Variants in CRELD1 observed in about 807,000 individuals in gnomAD.
The protein encoded by CRELD1 is CRELD disulfide isomerase 1, also known as protein disulfide isomerase CRELD1.
In CRELD1, 42 loss-of-function variants were observed where a neutral mutation model predicts 58.2. The observed-to-expected ratio is 0.72, with a 90% confidence interval of 0.56 to 0.93. CRELD1 has a LOEUF of 0.93. Ranked by LOEUF, CRELD1 falls within the 40% of genes least tolerant of loss-of-function variation. The probability of loss-of-function intolerance (pLI) is 0.00; values close to 1 mark genes in which losing one functional copy is unlikely to be tolerated. For missense variants in CRELD1, 500 were observed against 540.6 expected (o/e 0.92, Z 0.74); for synonymous variants, 222 against 202.0 (o/e 1.10, Z -0.84).
At chr3:9,939,805 A>T (rs994007884) in intron 5 of CRELD1, among the ~76,000 whole-genome samples, 18 of 152,074 alleles carry the variant, frequency 1.2e-4, no homozygotes, top group Non-Finnish European at 2.2e-4. Flanking sequence ...TATTCCACAA[A>T]ACCGCCATTG....
rs1575627082 is a variant in CRELD1 at position 9,933,893 on chromosome 3, G to T, written c.-47G>T. The T allele has an allele frequency of 1.5e-5, 7 of 455,522 alleles. No homozygotes were observed. The East Asian group carries it at 3.1e-4, about 20-fold the overall frequency. The allele number at this position is 455,522 out of a possible 1,614,324, so 28.2% of individuals were successfully genotyped here. A position where few individuals can be genotyped will look rare whatever the true frequency, so the allele number is the denominator to read the frequency against. The stretch of plus-strand genomic sequence containing the variant: ...ACGGCGCCCGCGGGCTGGGGCGGTC[G>T]CTTCTTCCTTCTCCGTGGCCTACGA... On this transcript the variant is annotated 5_prime_UTR_variant, in exon 1 of 11. Coordinates refer to ENST00000452070, the MANE Select transcript of CRELD1 (RefSeq NM_001077415.3).
chr3:9,939,831 C>G (rs1195297299), intron 5 of CRELD1, among the ~76,000 whole-genome samples: 3 of 152,216 alleles, frequency 2.0e-5, no homozygotes, highest in Non-Finnish European at 2.9e-5. Flanking sequence ...CTGGCCCGTT[C>G]TCAATGAGCT....
chr3:9,937,724 A>G (rs188187698), intron 4 of CRELD1, 52 bp downstream of exon 4: 1 of 1,289,746 alleles, frequency 7.8e-7, no homozygotes, highest in African/African-American at 1.4e-5. Context: ...AGGCCTGGTG[A>G]TAAGGCCTGA....
rs2085413093 is a variant in CRELD1 at position 9,943,076 on chromosome 3, G to A, written c.818-1G>A. 5 of 1,613,622 alleles carry A rather than the reference G, an allele frequency of 3.1e-6. No individual in the cohort carries two copies. The Admixed American group carries it at 8.3e-5, about 27-fold the overall frequency. On this transcript the variant is annotated splice_acceptor_variant, in intron 8 of 10. Transcript: ENST00000452070. LOFTEE classifies it high-confidence loss of function. ...CCCTCATCTTTCTCTCCTCTCTCCA[G>A]ACTGTGCCAAGGCCTGCCTAGGCTG...
Position 9,937,636 on chromosome 3 carries a change from T to C in CRELD1, c.332T>C (p.Leu111Pro). Residue 111 changes from leucine to proline, a missense_variant, in exon 4 of 11, where the codon CTG becomes CCG. Transcript: ENST00000452070. ...TTCGAGTGCCACCGCCTGCTGGAGCTGAGTGAGGAGCTGGTGGAGAGCTGG... is the reference window on the plus strand; with the variant it reads ...TTCGAGTGCCACCGCCTGCTGGAGCCGAGTGAGGAGCTGGTGGAGAGCTGG... Reference protein sequence around the residue: ...SDFECHRLLELSEELVESWWF... With the variant: ...SDFECHRLLEPSEELVESWWF... The C allele has an allele frequency of 1.2e-6, 2 of 1,611,446 alleles. No individual in the cohort carries two copies. The highest frequency in any genetic ancestry group is 4.5e-5 in the East Asian group (2 of 44,814).
chr3:9,943,817 G>GGGGGTGT, intron 10 of CRELD1: 1 of 1,612,436 alleles, frequency 6.2e-7, no homozygotes. Context: ...GTCCTAGGCC[G>GGGGGTGT]GGGGTGTGGT....
At position 9,934,460 on chromosome 3, in the gene CRELD1, G is replaced by A; in HGVS notation, c.22G>A (p.Gly8Ser). Residue 8 changes from glycine (G) to serine (S), a missense_variant, in exon 2 of 11, where the codon GGC becomes AGC. Coordinates refer to ENST00000452070, the MANE Select transcript of CRELD1 (RefSeq NM_001077415.3). The stretch of plus-strand genomic sequence containing the variant: ...AAAGATGGCCCCATGGCCCCCGAAG[G>A]GCCTAGTCCCAGCTATGCTCTGGGG... MAPWPPK[G>S]LVPAMLWGLS... The A allele has an allele frequency of 6.2e-7, 1 of 1,613,788 alleles. No individual in the cohort carries two copies. Among genetic ancestry groups the A allele is most frequent in the Non-Finnish European group, 8.5e-7 (1 of 1,179,932 alleles).
chr3:9,942,163 C>T (rs924060879), intron 7 of CRELD1, among the ~76,000 whole-genome samples: 5 of 151,690 alleles, frequency 3.3e-5, no homozygotes, highest in Middle Eastern at 6.8e-3. Flanking sequence ...CCCAGCTACT[C>T]GGGAGGCAGA....
In CRELD1 at chr3:9,945,314, G is replaced by A. The variant is rs1234406363; in HGVS notation, c.*735G>A. ...AATGCTTTCCACTCAGGCTTAACAT[G>A]AGAATTAAATGAGGTGACAAATGTG... On this transcript the variant is annotated 3_prime_UTR_variant, in exon 11 of 11. Coordinates refer to ENST00000452070, the MANE Select transcript of CRELD1 (RefSeq NM_001077415.3). The A allele has an allele frequency of 6.4e-6, 1 of 155,296 alleles. No homozygotes were observed. Among genetic ancestry groups the A allele is most frequent in the Non-Finnish European group, 1.4e-5 (1 of 70,086 alleles). The allele number at this position is 155,296 out of a possible 1,614,324, so 9.6% of individuals were successfully genotyped here. A position where few individuals can be genotyped will look rare whatever the true frequency, so the allele number is the denominator to read the frequency against.
At chr3:9,937,477 G>C in intron 3 of CRELD1, 85 bp from the exon 4 acceptor site, 1 of 888,054 alleles carries the variant, frequency 1.1e-6, no homozygotes. Flanking sequence ...TATTTTCACC[G>C]CACGAGGAAG....
At chr3:9,942,641 T>C (rs1183834712) in intron 7 of CRELD1, among the ~76,000 whole-genome samples, 172 bp from the exon 8 acceptor site, 1 of 152,250 alleles carries the variant, frequency 6.6e-6, no homozygotes, top group Admixed American at 6.5e-5. Context: ...TTGGCAAATG[T>C]GGTCTCTGGC....
Position 9,938,322 on chromosome 3 carries a change from T to C in CRELD1, c.460+216T>C, listed in dbSNP as rs140129044. 269 of 576,010 alleles carry C rather than the reference T, an allele frequency of 4.7e-4. 1 individual carries two copies. In the East Asian group the frequency reaches 7.8e-3, roughly 17 times the overall value. 35.7% of individuals were successfully genotyped at this position (576,010 alleles called of 1,614,324 possible). On this transcript the variant is annotated intron_variant, in intron 5 of 10. Transcript: ENST00000452070. The stretch of plus-strand genomic sequence containing the variant: ...GGGCTAGACTGAGTCATATGCAGTA[T>C]AGTTATCATCATGTACTAAAGAAAT...
intron 5 of CRELD1, among the ~76,000 whole-genome samples, chr3:9,939,291 T>C (rs923559216): frequency 4.6e-5 from 7 of 152,258 alleles, no homozygotes; most frequent in Admixed American, 4.6e-4. Flanking sequence ...TCTCCAAAAA[T>C]GTTTACTGAT....
rs1050454535 is a variant in CRELD1 at position 9,945,037 on chromosome 3, T to A, written c.*458T>A. 8.6e-6 allele frequency: 2 copies of A among 232,876 alleles called. No individual in the cohort carries two copies. Among genetic ancestry groups the A allele is most frequent in the African/African-American group, 4.5e-5 (2 of 44,726 alleles). 14.4% of individuals were successfully genotyped at this position (232,876 alleles called of 1,614,324 possible). A position where few individuals can be genotyped will look rare whatever the true frequency, so the allele number is the denominator to read the frequency against. On this transcript the variant is annotated 3_prime_UTR_variant, in exon 11 of 11. Coordinates refer to ENST00000452070, the MANE Select transcript of CRELD1 (RefSeq NM_001077415.3). The stretch of plus-strand genomic sequence containing the variant: ...AAAGGTCTTGGAAAGTTAAAAGGCA[T>A]CAGTCTTACTACCTGTCCCACCACC...
At chr3:9,936,253 A>G (rs991743610) in intron 3 of CRELD1, 7 of 152,184 alleles carry the variant, frequency 4.6e-5, no homozygotes, top group African/African-American at 1.7e-4. Context: ...TTTTGTTATT[A>G]TGTAACATTG....
Position 9,942,891 on chromosome 3 carries a change from G to A in CRELD1, c.812G>A (p.Cys271Tyr). 6.2e-7 allele frequency: 1 copy of A among 1,613,884 alleles called. No homozygotes were observed. The highest frequency in any genetic ancestry group is 8.5e-7 in the Non-Finnish European group (1 of 1,179,734). Residue 271 changes from cysteine (C) to tyrosine (Y), a missense_variant, in exon 8 of 11, where the codon TGC (cysteine) becomes TAC (tyrosine). Cys to Tyr is a radical substitution (Grantham distance 194, BLOSUM62 -2). Transcript: ENST00000452070. ...FCVNTEGSYE[C>Y]RDCAKACLGC... ...GTGAACACTGAGGGCTCCTATGAGT[G>A]CCGAGGTCAGTGTCTACTTCTGCAG... is the stretch of plus-strand genomic sequence containing the variant.
In CRELD1 at chr3:9,933,849, C is replaced by A; in HGVS notation, c.-91C>A. 1 of 514,894 alleles carries A rather than the reference C, an allele frequency of 1.9e-6. No individual in the cohort carries two copies. Among genetic ancestry groups the A allele is most frequent in the Non-Finnish European group, 3.4e-6 (1 of 292,012 alleles). The allele number at this position is 514,894 out of a possible 1,614,324, so 31.9% of individuals were successfully genotyped here. On this transcript the variant is annotated 5_prime_UTR_variant, in exon 1 of 11. Coordinates refer to ENST00000452070, the MANE Select transcript of CRELD1 (RefSeq NM_001077415.3). ...CGTTTTACGCAGGCTGTGGCAGCGA[C>A]GCGGTGAGGAGACGGCCCACGGCGC... is the stretch of plus-strand genomic sequence containing the variant.
Position 9,934,461 on chromosome 3 carries a change from G to T in CRELD1, c.23G>T (p.Gly8Val), listed in dbSNP as rs373476073. 1.2e-6 allele frequency: 2 copies of T among 1,613,778 alleles called. No homozygotes were observed. Among genetic ancestry groups the T allele is most frequent in the African/African-American group, 2.7e-5 (2 of 74,892 alleles). The change falls in exon 2 of 11, where the codon GGC becomes GTC. Residue 8 changes from glycine (G) to valine (V), a missense_variant. By Grantham distance (109) the Gly-to-Val change is moderately radical. Coordinates refer to ENST00000452070, the MANE Select transcript of CRELD1 (RefSeq NM_001077415.3). MAPWPPK[G>V]LVPAMLWGLS... Reference sequence around the variant, plus strand: ...AAGATGGCCCCATGGCCCCCGAAGGGCCTAGTCCCAGCTATGCTCTGGGGC... The same window carrying T: ...AAGATGGCCCCATGGCCCCCGAAGGTCCTAGTCCCAGCTATGCTCTGGGGC...
Position 9,943,097 on chromosome 3 carries a change from G to A in CRELD1, c.838G>A (p.Gly280Ser), listed in dbSNP as rs756956925. ...TCCAGACTGTGCCAAGGCCTGCCTA[G>A]GCTGCATGGGGGCAGGGCCAGGTCG... The part of the protein sequence containing the change: ...ECRDCAKACL[G>S]CMGAGPGRCK... Residue 280 changes from glycine (G) to serine (S), a missense_variant, in exon 9 of 11, where the codon GGC becomes AGC. By Grantham distance (56) the Gly-to-Ser change is moderately conservative. Transcript: ENST00000452070. The A allele has an allele frequency of 6.2e-7, 1 of 1,613,872 alleles. No individual in the cohort carries two copies. Among genetic ancestry groups the A allele is most frequent in the Non-Finnish European group, 8.5e-7 (1 of 1,180,024 alleles).
Sources: allele counts gnomAD v4.1 joint callset (sites outside exome capture counted in the v4.1 genomes callset), GRCh38; gene constraint gnomAD v4.1.1; transcripts MANE v1.5; gene names NCBI Gene and HGNC (gene_info 2026-07-23, HGNC 2026-07-21).